NKX3-2: variants seen among roughly 807,000 people sequenced by gnomAD.
The protein encoded by NKX3-2 is NK3 homeobox 2.
A neutral mutation model predicts 19.4 loss-of-function variants in NKX3-2; 13 were observed. That is an observed-to-expected ratio of 0.67 (90% CI 0.44 to 1.07). NKX3-2 has a LOEUF of 1.07. NKX3-2 is among the 50% of genes least tolerant of loss of function. The pLI, the probability that NKX3-2 is intolerant of heterozygous loss-of-function variation, is 0.00. For missense variants in NKX3-2, 562 were observed against 488.2 expected, an observed-to-expected ratio of 1.15 and a Z score of -1.42; for synonymous variants, 269 against 230.5, an observed-to-expected ratio of 1.17 and a Z score of -1.51.
Position 13,542,641 on chromosome 4 carries a change from A to T in NKX3-2, c.467-113T>A. On this transcript the variant is annotated intron_variant, in intron 1 of 1. Coordinates refer to ENST00000382438, the MANE Select transcript of NKX3-2 (RefSeq NM_001189.4). This position sits in a 1 kb window ranked among gnomAD's most constrained non-coding sequence, Gnocchi z 6.4. ...TGGGGCGGAAATACACTTTGATCCC[A>T]CTCAAGCGGAGCGGAGGTCTGGGAG... 1 of 1,384,002 alleles carries T rather than the reference A, an allele frequency of 7.2e-7. No individual in the cohort carries two copies. The highest frequency in any genetic ancestry group is 1.0e-6 in the Non-Finnish European group (1 of 993,832). The allele number at this position is 1,384,002 out of a possible 1,614,324, so 85.7% of individuals were successfully genotyped here. A position where few individuals can be genotyped will look rare whatever the true frequency, so the allele number is the denominator to read the frequency against.
chr4:13,547,339 T>C (rs904414624), upstream of NKX3-2: 6 of 434,000 alleles, frequency 1.4e-5, no homozygotes, highest in Non-Finnish European at 2.8e-5. Context: ...TCCTTCGGGC[T>C]CAGCTGTGAG....
chr4:13,544,747 G>A (rs944185065), upstream of NKX3-2: 1 of 178,638 alleles, frequency 5.6e-6, no homozygotes, highest in African/African-American at 2.4e-5. Context: ...ACGTGAAGGA[G>A]GATTGGCGGG....
rs1211971087 is a variant in NKX3-2, at chr4:13,541,932, C to T, written c.*61G>A. 2.6e-6 allele frequency: 4 copies of T among 1,547,434 alleles called. No homozygotes were observed. The East Asian group carries it at 7.3e-5, about 28-fold the overall frequency. On this transcript the variant is annotated 3_prime_UTR_variant, in exon 2 of 2. Transcript: ENST00000382438. ...GCCCCGTGCAGGCTACAGCCTACAG[C>T]TGTCAGCGCCGGTCCGGAGCCGGAG... is the stretch of plus-strand genomic sequence containing the variant.
At chr4:13,546,766 A>G, upstream of NKX3-2, 1 of 374,742 alleles carries the variant, frequency 2.7e-6, no homozygotes, top group Non-Finnish European at 5.4e-6. Flanking sequence ...AACAACTACC[A>G]TTTAGTTGCG....
At position 13,541,530 on chromosome 4, in the gene NKX3-2, A is replaced by G. The variant is rs1479492153; in HGVS notation, c.*463T>C. 1 of 155,702 alleles carries G rather than the reference A, an allele frequency of 6.4e-6. No individual in the cohort carries two copies. The highest frequency in any genetic ancestry group is 1.4e-5 in the Non-Finnish European group (1 of 70,664). 9.6% of individuals were successfully genotyped at this position (155,702 alleles called of 1,614,324 possible). A position where few individuals can be genotyped will look rare whatever the true frequency, so the allele number is the denominator to read the frequency against. Reference sequence around the variant, plus strand: ...GGTTACAAATGCAATTTCCAAAAATAAAAGATATGTAGATACACATAGATT... The same window carrying G: ...GGTTACAAATGCAATTTCCAAAAATGAAAGATATGTAGATACACATAGATT... On this transcript the variant is annotated 3_prime_UTR_variant, in exon 2 of 2. Transcript: ENST00000382438.
At position 13,542,107 on chromosome 4, in the gene NKX3-2, G is replaced by C; in HGVS notation, c.888C>G (p.Gly296=). Residue 296 remains glycine (G), a synonymous_variant, in exon 2 of 2, where the codon GGC becomes GGG. Transcript: ENST00000382438. The surrounding 1 kb of genome is among the most constrained non-coding windows in gnomAD (Gnocchi z 6.4). The part of the protein sequence containing the change: ...VRDDQRQYLP[G]EVLRPPSLLP... Reference sequence around the variant, plus strand: ...GAAGCGAGGGTGGCCGCAGCACTTCGCCGGGCAGGTATTGTCTCTGGTCGT... The same window carrying C: ...GAAGCGAGGGTGGCCGCAGCACTTCCCCGGGCAGGTATTGTCTCTGGTCGT... 1 of 1,607,514 alleles carries C rather than the reference G, an allele frequency of 6.2e-7. No individual in the cohort carries two copies. Among genetic ancestry groups the C allele is most frequent in the Non-Finnish European group, 8.5e-7 (1 of 1,175,248 alleles).
At position 13,544,387 on chromosome 4, in the gene NKX3-2, T is replaced by A; in HGVS notation, c.28A>T (p.Thr10Ser). MAVRGANTLTSFSIQAILNK... is the reference protein window; with the variant it reads MAVRGANTLSSFSIQAILNK... ...AGGATCGCCTGGATGGAGAAGGACG[T>A]CAAGGTGTTGGCGCCGCGCACAGCC... is the stretch of plus-strand genomic sequence containing the variant. Residue 10 changes from threonine to serine, a missense_variant, in exon 1 of 2, where the codon ACG (threonine) becomes TCG (serine). Physicochemically the swap from Thr to Ser is moderately conservative, Grantham distance 58. Transcript: ENST00000382438. 1 of 1,547,724 alleles carries A rather than the reference T, an allele frequency of 6.5e-7. No homozygotes were observed. The highest frequency in any genetic ancestry group is 8.6e-7 in the Non-Finnish European group (1 of 1,156,798).
chr4:13,546,151 TC>T (rs1718128023), upstream of NKX3-2: 1 of 152,240 alleles, frequency 6.6e-6, no homozygotes, highest in African/African-American at 2.4e-5. Flanking sequence ...ATAAATAACA[TC>T]TCCCCTTGTT....
chr4:13,544,933 C>A (rs3756213), upstream of NKX3-2: 1,692 of 152,278 alleles, frequency 0.011, 23 homozygotes, highest in South Asian at 0.059. Context: ...CGGCGGTAGC[C>A]GCGGCCGCGG....
Position 13,544,314 on chromosome 4 carries a change from G to C in NKX3-2, c.101C>G (p.Pro34Arg). 1 of 1,530,240 alleles carries C rather than the reference G, an allele frequency of 6.5e-7. No individual in the cohort carries two copies. Among genetic ancestry groups the C allele is most frequent in the East Asian group, 2.5e-5 (1 of 40,002 alleles). 94.8% of individuals were successfully genotyped at this position (1,530,240 alleles called of 1,614,324 possible). The change falls in exon 1 of 2, where the codon CCG (proline) becomes CGG (arginine). Residue 34 changes from proline (P) to arginine (R), a missense_variant. Pro to Arg is a moderately radical substitution (Grantham distance 103, BLOSUM62 -2). Coordinates refer to ENST00000382438, the MANE Select transcript of NKX3-2 (RefSeq NM_001189.4). ...CGATGCCGCTGTGCCCCCGGGCGCC[G>C]GGCGCCCCTCTGGCGCGGCCAGCCC... ...RGGLAAPEGR[P>R]APGGTAASVA...
chr4:13,544,237 C>A lies in NKX3-2; in HGVS notation c.178G>T (p.Ala60Ser). Residue 60 changes from alanine to serine, a missense_variant, in exon 1 of 2, where the codon GCG becomes TCG. Ala to Ser is a moderately conservative substitution (Grantham distance 99). Coordinates refer to ENST00000382438, the MANE Select transcript of NKX3-2 (RefSeq NM_001189.4). ...TCCTCGGCGCCCCCCAACGCGCCCG[C>A]GTCCCTCTCCCCAAAGAGCCGCCAA... is the stretch of plus-strand genomic sequence containing the variant. ...CCWRLFGERD[A>S]GALGGAEDSL... 1 of 1,587,460 alleles carries A rather than the reference C, an allele frequency of 6.3e-7. No homozygotes were observed. The highest frequency in any genetic ancestry group is 8.5e-7 in the Non-Finnish European group (1 of 1,174,794).
rs1443818063 is a variant in NKX3-2 at position 13,541,768 on chromosome 4, C to T, written c.*225G>A. 2 of 566,332 alleles carry T rather than the reference C, an allele frequency of 3.5e-6. No individual in the cohort carries two copies. The highest frequency in any genetic ancestry group is 6.1e-6 in the Non-Finnish European group (2 of 329,728). The allele number at this position is 566,332 out of a possible 1,614,324, so 35.1% of individuals were successfully genotyped here. On this transcript the variant is annotated 3_prime_UTR_variant, in exon 2 of 2. Transcript: ENST00000382438. ...TTCCAGGCAGGTGGGCGATCAGGGC[C>T]CCTAGGCCATAGGGTGCCTCTGTTC...
Position 13,541,994 on chromosome 4 carries a change from C to T in NKX3-2, c.1001G>A (p.Ter334=). ...STCAAAAGTQ[*] Reference sequence around the variant, plus strand: ...CTCGCTGCCTCAGCCCAAGCGGGTTCACTGGGTGCCTGCGGCAGCTGCGCA... The same window carrying T: ...CTCGCTGCCTCAGCCCAAGCGGGTTTACTGGGTGCCTGCGGCAGCTGCGCA... Residue 334 remains the stop codon, a stop_retained_variant, in exon 2 of 2, where the codon TGA becomes TAA. Transcript: ENST00000382438. 1 of 1,581,834 alleles carries T rather than the reference C, an allele frequency of 6.3e-7. No homozygotes were observed. Among genetic ancestry groups the T allele is most frequent in the Non-Finnish European group, 8.6e-7 (1 of 1,164,478 alleles).
chr4:13,546,201 G>A (rs1718128797), upstream of NKX3-2: 1 of 152,210 alleles, frequency 6.6e-6, no homozygotes, highest in African/African-American at 2.4e-5. Flanking sequence ...ACCGCAGAAG[G>A]AAATACACTG....
Position 13,544,446 on chromosome 4 carries a change from G to T in NKX3-2, c.-32C>A, listed in dbSNP as rs769833786. 1.2e-5 allele frequency: 17 copies of T among 1,438,788 alleles called. No individual in the cohort carries two copies. Among genetic ancestry groups the T allele is most frequent in the Non-Finnish European group, 1.5e-5 (17 of 1,097,718 alleles). 89.1% of individuals were successfully genotyped at this position (1,438,788 alleles called of 1,614,324 possible). On this transcript the variant is annotated 5_prime_UTR_variant, in exon 1 of 2. Transcript: ENST00000382438. ...CGCGGGCAGGAGCGGCCGGCGGGGC[G>T]GGCAGCTGGGGCGCCGAGCAGCTCC...
Position 13,542,412 on chromosome 4 carries a change from C to T in NKX3-2, c.583G>A (p.Glu195Lys). 1 of 1,528,196 alleles carries T rather than the reference C, an allele frequency of 6.5e-7. No homozygotes were observed. The highest frequency in any genetic ancestry group is 1.2e-5 in the South Asian group (1 of 82,674). 94.7% of individuals were successfully genotyped at this position (1,528,196 alleles called of 1,614,324 possible). Reference protein sequence around the residue: ...GGSGPAGVAEEEEEPAAPKPR... With the variant: ...GGSGPAGVAEKEEEPAAPKPR... Reference sequence around the variant, plus strand: ...TTGGGCGCCGCCGGCTCCTCCTCCTCCTCCGCGACGCCTGCCGGCCCGCTG... The same window carrying T: ...TTGGGCGCCGCCGGCTCCTCCTCCTTCTCCGCGACGCCTGCCGGCCCGCTG... Residue 195 changes from glutamate (E) to lysine (K), a missense_variant, in exon 2 of 2, where the codon GAG becomes AAG. Coordinates refer to ENST00000382438, the MANE Select transcript of NKX3-2 (RefSeq NM_001189.4). This position sits in a 1 kb window ranked among gnomAD's most constrained non-coding sequence, Gnocchi z 6.4.
upstream of NKX3-2, chr4:13,546,368 T>C (rs1179863669): frequency 2.5e-5 from 4 of 157,578 alleles, no homozygotes; most frequent in Admixed American, 6.1e-5. Context: ...TCTTTACAAT[T>C]ACATCAGTTT....
At chr4:13,547,150 TGTGGGGAAGGGGAG>T (rs1301882746), upstream of NKX3-2, 3 of 456,210 alleles carry the variant, frequency 6.6e-6, no homozygotes, top group Admixed American at 7.0e-5. Context: ...ATGAAAAGAC[TGTGGGGAAGGGGAG>T]GTGGTTGTAT....
chr4:13,547,273 T>A (rs1168837286), upstream of NKX3-2: 1 of 455,386 alleles, frequency 2.2e-6, no homozygotes, highest in South Asian at 1.5e-5. Flanking sequence ...ACGGCAGATC[T>A]GGACGCGACC....
Sources: gnomAD v4.1 joint callset for allele counts on GRCh38, gnomAD v4.1.1 for gene constraint, Gnocchi (gnomAD v3.1) non-coding constraint, MANE v1.5 for transcripts, NCBI Gene and HGNC (gene_info 2026-07-23, HGNC 2026-07-21) for gene names.